The following SCNN1B variants were observed in gnomAD, a reference collection of about 807,000 sequenced individuals.
SCNN1B encodes sodium channel epithelial 1 subunit beta.
In SCNN1B, 46 loss-of-function variants were observed where a neutral mutation model predicts 65.3. The observed-to-expected ratio is 0.70, with a 90% CI of 0.56 to 0.90. The LOEUF (loss-of-function observed/expected upper bound fraction) is 0.90. Ranked by LOEUF, SCNN1B falls within the 40% of genes least tolerant of loss-of-function variation. The pLI is 0.00. For missense variants in SCNN1B, 751 were observed against 830.5 expected (o/e 0.90, Z 1.18); for synonymous variants, 349 against 330.6 (o/e 1.06, Z -0.60).
chr16:23,294,225 G>A (rs747295560), intron 2 of SCNN1B, among the ~76,000 whole-genome samples: 6 of 151,726 alleles, frequency 4.0e-5, no homozygotes, highest in Admixed American at 6.6e-5. Flanking sequence ...TGTATTTTTA[G>A]TCTCTACTAA....
rs368064833 is a variant in SCNN1B, at chr16:23,352,178, C to T, written c.312-623C>T. On this transcript the variant is annotated intron_variant, in intron 2 of 12. Transcript: ENST00000343070. ...AGGTCCCTCTTGTTTGCTACTGTAT[C>T]GTCTGTGCCTTGCACAGTGCCTGGC... Among the ~76,000 whole-genome samples, 37 of 152,334 alleles carry T rather than the reference C, an allele frequency of 2.4e-4. No individual in the cohort carries two copies. In the South Asian group the frequency reaches 6.4e-3, roughly 26 times the overall value.
At chr16:23,375,708 C>G in intron 7 of SCNN1B, 30 bp from the exon 8 acceptor site, 1 of 1,474,110 alleles carries the variant, frequency 6.8e-7, no homozygotes, top group Non-Finnish European at 9.5e-7. Context: ...TGCCTGTGTT[C>G]TCTCCTTATG....
intron 1 of SCNN1B, among the ~76,000 whole-genome samples, chr16:23,321,681 C>A (rs1349355329): frequency 6.6e-6 from 1 of 152,140 alleles, no homozygotes; most frequent in East Asian, 1.9e-4. Flanking sequence ...CATGACAGTT[C>A]CTGGCACGTT....
At chr16:23,353,275 C>T in intron 3 of SCNN1B, 1 of 622,046 alleles carries the variant, frequency 1.6e-6, no homozygotes, top group Admixed American at 2.8e-5. Context: ...AGTGATCCAG[C>T]TCACACTAGC....
chr16:23,346,200 CTTTTTTTTTTTTT>C (rs753802362), intron 1 of SCNN1B, among the ~76,000 whole-genome samples: 18,278 of 78,290 alleles, frequency 0.23, 1,338 homozygotes, highest in East Asian at 0.5. Flanking sequence ...TTTTCCTTTT[CTTTTTTTTTTTTT>C]TTTTTTTTTT....
chr16:23,364,256 AC>A (rs1201870137), intron 4 of SCNN1B, among the ~76,000 whole-genome samples: 5 of 152,362 alleles, frequency 3.3e-5, no homozygotes, highest in Admixed American at 3.3e-4. Flanking sequence ...GTAATAAAGT[AC>A]TATTAACTAA....
At chr16:23,343,565 A>G (rs1188969601) in intron 1 of SCNN1B, among the ~76,000 whole-genome samples, 2 of 143,566 alleles carry the variant, frequency 1.4e-5, no homozygotes, top group African/African-American at 5.2e-5. Context: ...GGAAGGAAAA[A>G]AGAAAGAAAG....
rs752133979 is a variant in SCNN1B, at chr16:23,348,834, G to T, written c.235G>T (p.Val79Phe). The change falls in exon 2 of 13, where the codon GTC becomes TTC. Residue 79 changes from valine (V) to phenylalanine (F), a missense_variant. Physicochemically the swap from Val to Phe is conservative, Grantham distance 50 (BLOSUM62 -1). Coordinates refer to ENST00000343070, the MANE Select transcript of SCNN1B (RefSeq NM_000336.3). The surrounding 1 kb of genome is among the most constrained non-coding windows in gnomAD (Gnocchi z 4.5). Reference protein sequence around the residue: ...IFIRTYLSWEVSVSLSVGFKT... With the variant: ...IFIRTYLSWEFSVSLSVGFKT... ...CATCAGGACCTACTTGAGCTGGGAG[G>T]TCAGCGTCTCCCTCTCCGTAGGCTT... The T allele has an allele frequency of 6.2e-6, 10 of 1,614,028 alleles. No homozygotes were observed. The highest frequency in any genetic ancestry group is 7.6e-6 in the Non-Finnish European group (9 of 1,180,046).
At chr16:23,364,995 A>G (rs1962619419) in intron 4 of SCNN1B, among the ~76,000 whole-genome samples, 1 of 152,044 alleles carries the variant, frequency 6.6e-6, no homozygotes, top group South Asian at 2.1e-4. Flanking sequence ...TTGTGGTGGC[A>G]GGCACCTATA....
intron 1 of SCNN1B, among the ~76,000 whole-genome samples, chr16:23,325,498 C>T (rs1176193267): frequency 2.0e-5 from 3 of 150,508 alleles, no homozygotes; most frequent in African/African-American, 7.5e-5. Context: ...AACCTTTGAC[C>T]TCAAGTGATC....
chr16:23,298,499 G>C (rs572758330), upstream of SCNN1B, among the ~76,000 whole-genome samples: 4 of 152,208 alleles, frequency 2.6e-5, no homozygotes, highest in Non-Finnish European at 5.9e-5. Context: ...TAACTTCCCG[G>C]CGTTGCCATG....
At chr16:23,319,122 C>T (rs1463148527) in intron 1 of SCNN1B, among the ~76,000 whole-genome samples, 2 of 151,756 alleles carry the variant, frequency 1.3e-5, no homozygotes. Context: ...CTTACTGCAA[C>T]CTCCACCTCC....
At chr16:23,321,432 G>A (rs1013122340) in intron 1 of SCNN1B, among the ~76,000 whole-genome samples, 2 of 152,088 alleles carry the variant, frequency 1.3e-5, no homozygotes, top group Non-Finnish European at 2.9e-5. Flanking sequence ...GGGGGTGTGA[G>A]CAGGGCTGGT....
In SCNN1B at chr16:23,348,820, A is replaced by G. The variant is rs1296202027; in HGVS notation, c.221A>G (p.Tyr74Cys). 6.2e-7 allele frequency: 1 copy of G among 1,614,082 alleles called. No individual in the cohort carries two copies. The highest frequency in any genetic ancestry group is 8.5e-7 in the Non-Finnish European group (1 of 1,180,008). The change falls in exon 2 of 13, where the codon TAC (tyrosine) becomes TGC (cysteine). Residue 74 changes from tyrosine (Y) to cysteine (C), a missense_variant. Transcript: ENST00000343070. This position sits in a 1 kb window ranked among gnomAD's most constrained non-coding sequence, Gnocchi z 4.5. Reference protein sequence around the residue: ...CWQWGIFIRTYLSWEVSVSLS... With the variant: ...CWQWGIFIRTCLSWEVSVSLS... ...CAGTGGGGCATCTTCATCAGGACCT[A>G]CTTGAGCTGGGAGGTCAGCGTCTCC...
intron 1 of SCNN1B, among the ~76,000 whole-genome samples, chr16:23,303,151 G>A (rs1961122009): frequency 2.0e-5 from 3 of 152,214 alleles, no homozygotes; most frequent in South Asian, 4.1e-4. Flanking sequence ...TAGGTGTGCT[G>A]TGGAGGGAAA....
intron 4 of SCNN1B, among the ~76,000 whole-genome samples, chr16:23,357,204 G>A (rs1330999729): frequency 6.6e-6 from 1 of 152,246 alleles, no homozygotes. Context: ...AGGGACTGGG[G>A]TTGCAGGCAG....
chr16:23,319,049 T>G (rs1337291104), intron 1 of SCNN1B, among the ~76,000 whole-genome samples: 3 of 151,544 alleles, frequency 2.0e-5, no homozygotes, highest in African/African-American at 2.4e-5. Context: ...TGTTTTGTTT[T>G]TTTTTTTTTT....
chr16:23,280,813 C>T (rs1448321237), intron 1 of SCNN1B, among the ~76,000 whole-genome samples: 1 of 152,192 alleles, frequency 6.6e-6, no homozygotes, highest in African/African-American at 2.4e-5. Context: ...GTGTTCAGAG[C>T]TTCCTGAATG....
At chr16:23,283,622 T>C (rs1405165586) in intron 1 of SCNN1B, 1 of 152,144 alleles carries the variant, frequency 6.6e-6, no homozygotes, top group Non-Finnish European at 1.5e-5. Flanking sequence ...AATCCTAAAT[T>C]GAACCATTGT....
Sources: gnomAD v4.1 joint callset for allele counts (sites outside exome capture counted in the v4.1 genomes callset) on GRCh38, gnomAD v4.1.1 for gene constraint, Gnocchi (gnomAD v3.1) non-coding constraint, MANE v1.5 for transcripts, NCBI Gene and HGNC (gene_info 2026-07-23, HGNC 2026-07-21) for gene names.